Variants in CMSS1 observed in about 807,000 individuals in gnomAD.
CMSS1 encodes cms1 ribosomal small subunit homolog.
CMSS1 carries 33 observed loss-of-function variants against 43.5 expected under a neutral mutation model. That is an observed-to-expected ratio of 0.76 (90% confidence interval 0.57 to 1.01). The LOEUF (loss-of-function observed/expected upper bound fraction) is 1.01, where lower values mean the gene tolerates loss of function less well. Ranked by LOEUF, CMSS1 falls within the 50% of genes least tolerant of loss-of-function variation. The pLI, the probability that CMSS1 is intolerant of heterozygous loss-of-function variation, is 0.00. For missense variants in CMSS1, 313 were observed against 326.4 expected, an observed-to-expected ratio of 0.96 and a Z score of 0.32; for synonymous variants, 115 against 117.2, an observed-to-expected ratio of 0.98 and a Z score of 0.12.
chr3:99,939,608 G>C (rs909752670), intron 1 of CMSS1, among the ~76,000 whole-genome samples: 1 of 152,098 alleles, frequency 6.6e-6, no homozygotes, highest in East Asian at 1.9e-4. Context: ...ATATACTCAG[G>C]GAAGATCTTA....
chr3:100,044,706 A>G (rs1430198420), intron 1 of CMSS1, among the ~76,000 whole-genome samples: 2 of 152,174 alleles, frequency 1.3e-5, no homozygotes, highest in African/African-American at 2.4e-5. Context: ...TGAGGTAAAA[A>G]CTTGATTTGT....
At chr3:99,837,307 T>C (rs1942940309) in intron 1 of CMSS1, among the ~76,000 whole-genome samples, 1 of 152,176 alleles carries the variant, frequency 6.6e-6, no homozygotes, top group Non-Finnish European at 1.5e-5. Flanking sequence ...AGTTAGCTCC[T>C]GTTTATATAA....
At chr3:99,879,973 C>T (rs988378035) in intron 1 of CMSS1, among the ~76,000 whole-genome samples, 1 of 152,260 alleles carries the variant, frequency 6.6e-6, no homozygotes. Context: ...TTGCACCCCA[C>T]GCTACCTTCT....
At chr3:99,849,977 A>G (rs1943582316) in intron 1 of CMSS1, 2 of 1,612,272 alleles carry the variant, frequency 1.2e-6, no homozygotes, top group South Asian at 2.2e-5. Context: ...TTGTTTTTTA[A>G]ATCATCTCTC....
chr3:99,983,460 GTGTGTATATATATATA>G (rs1709215705), intron 1 of CMSS1, among the ~76,000 whole-genome samples: 8 of 69,478 alleles, frequency 1.2e-4, no homozygotes, highest in East Asian at 8.4e-4. Flanking sequence ...ATATATATAT[GTGTGTATATATATATA>G]TATATATATA....
chr3:100,095,672 A>G (rs879686611), intron 1 of CMSS1, among the ~76,000 whole-genome samples: 1 of 152,198 alleles, frequency 6.6e-6, no homozygotes, highest in Non-Finnish European at 1.5e-5. Flanking sequence ...AAACTGAAAC[A>G]GGAAAACATT....
At chr3:100,123,687 G>A (rs564135060) in intron 1 of CMSS1, among the ~76,000 whole-genome samples, 2 of 152,160 alleles carry the variant, frequency 1.3e-5, no homozygotes, top group South Asian at 4.2e-4. Context: ...TCCTTCACAC[G>A]GCTCTTCCTC....
chr3:99,887,908 AT>A lies in CMSS1; in HGVS notation c.64+69875del, dbSNP rs564409321. ...AGGTGTGCACCACCACACCTGGCTAATTTTTTTTTTCCATAAAGATGGGGTT... is the reference window on the plus strand; with the variant it reads ...AGGTGTGCACCACCACACCTGGCTAATTTTTTTTTCCATAAAGATGGGGTT... On this transcript the variant is annotated intron_variant, in intron 1 of 9. Transcript: ENST00000421999. 9.4e-5 allele frequency among the ~76,000 whole-genome samples: 14 copies of A among 149,582 alleles called. No individual in the cohort carries two copies. The East Asian group carries it at 9.8e-4, about 11-fold the overall frequency.
chr3:100,053,917 G>A (rs2065417971), intron 1 of CMSS1, among the ~76,000 whole-genome samples: 1 of 152,242 alleles, frequency 6.6e-6, no homozygotes, highest in Non-Finnish European at 1.5e-5. Context: ...AAAGTAAATT[G>A]CATCCAAGTG....
At chr3:99,993,032 G>A (rs567865592) in intron 1 of CMSS1, among the ~76,000 whole-genome samples, 1 of 151,996 alleles carries the variant, frequency 6.6e-6, no homozygotes, top group African/African-American at 2.4e-5. Flanking sequence ...TGTAACTGTT[G>A]TTATACCAGT....
chr3:99,903,297 GC>G (rs1706498527), intron 1 of CMSS1, among the ~76,000 whole-genome samples: 1 of 151,912 alleles, frequency 6.6e-6, no homozygotes, highest in Admixed American at 6.6e-5. Context: ...TGTCACCCAG[GC>G]TGGAGTGCAG....
chr3:100,150,454 A>G (rs934536426), intron 2 of CMSS1, among the ~76,000 whole-genome samples: 10 of 152,210 alleles, frequency 6.6e-5, no homozygotes, highest in Admixed American at 2.0e-4. Context: ...ACTTGGCATG[A>G]TGCTGTCAGC....
intron 1 of CMSS1, among the ~76,000 whole-genome samples, chr3:100,070,373 T>C (rs2065740686): frequency 6.6e-6 from 1 of 152,226 alleles, no homozygotes; most frequent in African/African-American, 2.4e-5. Context: ...TTCTAATTAA[T>C]GAAATTTTAA....
chr3:100,037,968 G>GGA (rs2065138667), intron 1 of CMSS1, among the ~76,000 whole-genome samples: 2 of 15,078 alleles, frequency 1.3e-4, no homozygotes, highest in African/African-American at 2.7e-4. Context: ...GGGGGGGAGG[G>GGA]AACAGAGTCT....
intron 1 of CMSS1, among the ~76,000 whole-genome samples, chr3:99,902,087 A>G (rs1706455261): frequency 6.6e-6 from 1 of 152,182 alleles, no homozygotes; most frequent in East Asian, 1.9e-4. Context: ...AAATATTTAA[A>G]TGATTGGCTT....
chr3:100,029,084 T>C (rs1391159080), intron 1 of CMSS1, among the ~76,000 whole-genome samples: 2 of 152,020 alleles, frequency 1.3e-5, no homozygotes, highest in East Asian at 3.8e-4. Flanking sequence ...CAAGCTACCC[T>C]GGGAGCTGAG....
At chr3:100,006,079 C>T (rs575025740) in intron 1 of CMSS1, among the ~76,000 whole-genome samples, 1 of 152,264 alleles carries the variant, frequency 6.6e-6, no homozygotes, top group South Asian at 2.1e-4. Flanking sequence ...AAGCATTAGA[C>T]CAGAAAGCCC....
intron 1 of CMSS1, among the ~76,000 whole-genome samples, chr3:99,819,399 C>CT (rs1261182283): frequency 1.3e-5 from 2 of 152,244 alleles, no homozygotes; most frequent in Non-Finnish European, 2.9e-5. Context: ...TCCTCACTAG[C>CT]TGTGTGACTT....
intron 1 of CMSS1, among the ~76,000 whole-genome samples, chr3:100,095,886 A>T (rs1255719004): frequency 1.3e-5 from 2 of 152,202 alleles, no homozygotes; most frequent in African/African-American, 4.8e-5. Flanking sequence ...CAAGAGATTA[A>T]TAACTGCAGT....
Sources: gnomAD v4.1 joint callset for allele counts (sites outside exome capture counted in the v4.1 genomes callset) on GRCh38, gnomAD v4.1.1 for gene constraint, MANE v1.5 for transcripts, NCBI Gene and HGNC (gene_info 2026-07-23, HGNC 2026-07-21) for gene names.